The following CSMD1 variants were observed in gnomAD, a reference collection of about 807,000 sequenced individuals.
CSMD1 encodes the protein CUB and Sushi multiple domains 1.
In CSMD1, 213 loss-of-function variants were observed where a neutral mutation model predicts 417.5. The ratio of observed to expected loss-of-function variants is 0.51; its 90% confidence interval spans 0.46 to 0.57. The LOEUF (loss-of-function observed/expected upper bound fraction) is 0.57, where lower values mean the gene tolerates loss of function less well. CSMD1 is among the 20% of genes least tolerant of loss of function. The pLI is 0.00. For synonymous variants in CSMD1, 2,862 were observed against 1,736.8 expected (o/e 1.65, Z -16.11); for missense variants, 6,923 against 4,529.7 (o/e 1.53, Z -15.17).
At chr8:3,827,749 G>A (rs960141275) in intron 5 of CSMD1, among the ~76,000 whole-genome samples, 4 of 152,102 alleles carry the variant, frequency 2.6e-5, no homozygotes, top group African/African-American at 4.8e-5. Flanking sequence ...TTCACTATAC[G>A]ATAATGAATA....
chr8:4,751,388 C>T (rs894060185), intron 1 of CSMD1, among the ~76,000 whole-genome samples: 1 of 144,264 alleles, frequency 6.9e-6, no homozygotes, highest in Non-Finnish European at 1.5e-5. Flanking sequence ...AAGACTCTGT[C>T]TCAGGGGGGG....
At chr8:2,948,028 C>G (rs1802370217) in intron 68 of CSMD1, among the ~76,000 whole-genome samples, 1 of 150,694 alleles carries the variant, frequency 6.6e-6, no homozygotes, top group African/African-American at 2.4e-5. Flanking sequence ...GTAATCATTA[C>G]AAAATTGTAC....
intron 3 of CSMD1, among the ~76,000 whole-genome samples, chr8:4,239,785 C>T (rs958374393): frequency 6.6e-6 from 1 of 152,158 alleles, no homozygotes; most frequent in Non-Finnish European, 1.5e-5. Context: ...CACGTTAGTT[C>T]CATTCTCACA....
At chr8:4,096,292 G>A (rs372541284) in intron 3 of CSMD1, among the ~76,000 whole-genome samples, 3 of 152,170 alleles carry the variant, frequency 2.0e-5, no homozygotes, top group African/African-American at 7.2e-5. Flanking sequence ...ATGCCATTGT[G>A]CTAGGATCAC....
intron 1 of CSMD1, among the ~76,000 whole-genome samples, chr8:4,922,656 T>C (rs1006034361): frequency 6.6e-6 from 1 of 152,176 alleles, no homozygotes; most frequent in Non-Finnish European, 1.5e-5. Context: ...GTTCACATGG[T>C]GCAGCCTGGG....
chr8:2,967,901 T>C (rs559609996), intron 57 of CSMD1, among the ~76,000 whole-genome samples: 60 of 152,250 alleles, frequency 3.9e-4, no homozygotes, highest in South Asian at 6.2e-4. Flanking sequence ...CTGGATCTTG[T>C]TTGAAAAAAA....
intron 37 of CSMD1, among the ~76,000 whole-genome samples, chr8:3,175,502 TG>T (rs1563111646): frequency 2.4e-5 from 3 of 126,026 alleles, no homozygotes; most frequent in African/African-American, 9.4e-5. Flanking sequence ...CCTGCCTGCC[TG>T]CCTGCCTTTT....
At chr8:4,728,123 G>C (rs1809589493) in intron 1 of CSMD1, among the ~76,000 whole-genome samples, 4 of 145,846 alleles carry the variant, frequency 2.7e-5, no homozygotes, top group South Asian at 4.3e-4. Flanking sequence ...TATATATTTA[G>C]ACATAAGATC....
intron 3 of CSMD1, among the ~76,000 whole-genome samples, chr8:4,330,253 G>A (rs529858149): frequency 6.6e-6 from 1 of 152,156 alleles, no homozygotes; most frequent in South Asian, 2.1e-4. Flanking sequence ...AGATCCAGTA[G>A]GACTCTGTCT....
chr8:3,676,360 G>C (rs910990748), intron 7 of CSMD1, among the ~76,000 whole-genome samples: 1 of 152,130 alleles, frequency 6.6e-6, no homozygotes, highest in Non-Finnish European at 1.5e-5. Flanking sequence ...CCGCCAGGCA[G>C]GATTGTTGTC....
At chr8:4,403,096 G>T (rs2128930045) in intron 3 of CSMD1, among the ~76,000 whole-genome samples, 1 of 152,048 alleles carries the variant, frequency 6.6e-6, no homozygotes, top group South Asian at 2.1e-4. Flanking sequence ...CTCCCAAAGT[G>T]CTGGGATTAC....
At chr8:3,046,041 C>T (rs1811412115) in intron 50 of CSMD1, among the ~76,000 whole-genome samples, 1 of 152,130 alleles carries the variant, frequency 6.6e-6, no homozygotes, top group Admixed American at 6.6e-5. Flanking sequence ...CTTTATCATA[C>T]CTGACTTTTA....
intron 3 of CSMD1, among the ~76,000 whole-genome samples, chr8:4,170,309 G>A (rs974857050): frequency 1.3e-5 from 2 of 151,816 alleles, no homozygotes; most frequent in African/African-American, 2.4e-5. Flanking sequence ...GCGTCTCAAT[G>A]ATATAAAAAG....
chr8:4,018,497 G>C (rs1741409350), intron 4 of CSMD1, among the ~76,000 whole-genome samples: 1 of 152,138 alleles, frequency 6.6e-6, no homozygotes, highest in East Asian at 1.9e-4. Flanking sequence ...TGGAGGAAGG[G>C]GAGGCAGCCA....
rs1810848986 is a variant in CSMD1, at chr8:4,744,808, A to T, written c.86-107250T>A. Among the ~76,000 whole-genome samples the T allele has an allele frequency of 2.6e-5, 4 of 152,296 alleles. No homozygotes were observed. The South Asian group carries it at 8.3e-4, about 32-fold the overall frequency. On this transcript the variant is annotated intron_variant, in intron 1 of 69. Transcript: ENST00000635120. ...TTTCTTCATTAACTTCCAAGGAGTA[A>T]AAAACATAAAACACCCATAAGAAAG...
chr8:2,973,741 G>C (rs1042800145), intron 56 of CSMD1, among the ~76,000 whole-genome samples: 1 of 151,960 alleles, frequency 6.6e-6, no homozygotes, highest in Non-Finnish European at 1.5e-5. Context: ...CTGAATTTTG[G>C]TTGTTTAAGA....
At chr8:2,962,768 GC>G in intron 60 of CSMD1, 129 bp from the exon 61 acceptor site, 1 of 976,458 alleles carries the variant, frequency 1.0e-6, no homozygotes, top group Non-Finnish European at 1.5e-6. Flanking sequence ...CTAAAAGGAG[GC>G]CAGGCACGGT....
chr8:4,241,909 C>A (rs1563324444), intron 3 of CSMD1, among the ~76,000 whole-genome samples: 1 of 152,072 alleles, frequency 6.6e-6, no homozygotes, highest in Non-Finnish European at 1.5e-5. Flanking sequence ...AAGACAACAT[C>A]GTGAAGCTAT....
intron 10 of CSMD1, among the ~76,000 whole-genome samples, chr8:3,519,768 A>G (rs1176436545): frequency 6.6e-6 from 1 of 152,134 alleles, no homozygotes. Flanking sequence ...AGTTGGCTGT[A>G]TGGAACACTT....
Sources: gnomAD v4.1 joint callset for allele counts (sites outside exome capture counted in the v4.1 genomes callset) on GRCh38, gnomAD v4.1.1 for gene constraint, MANE v1.5 for transcripts, NCBI Gene and HGNC (gene_info 2026-07-23, HGNC 2026-07-21) for gene names.